The following PCSK5 variants were observed in gnomAD, a reference collection of about 807,000 sequenced individuals.
PCSK5 encodes proprotein convertase subtilisin/kexin type 5, also known as prohormone convertase 5.
PCSK5 carries 129 observed loss-of-function variants against 233.2 expected under a neutral mutation model. The observed-to-expected ratio is 0.55, with a 90% CI of 0.48 to 0.64. The LOEUF is 0.64. Ranked by LOEUF, PCSK5 falls within the 30% of genes least tolerant of loss-of-function variation. The pLI is 0.00. For missense variants in PCSK5, 2,076 were observed against 2,430.1 expected, an observed-to-expected ratio of 0.85 and a Z score of 3.06; for synonymous variants, 825 against 879.2, an observed-to-expected ratio of 0.94 and a Z score of 1.09.
chr9:76,350,898 C>T lies in PCSK5; in HGVS notation c.5037C>T (p.Asp1679=), dbSNP rs370584000. The change falls in exon 36 of 38, where the codon GAC becomes GAT. Residue 1679 remains aspartate (D), a synonymous_variant. Coordinates refer to ENST00000674117, the MANE Select transcript of PCSK5 (RefSeq NM_001372043.1). ...TCATGGGAGGGATCTGCACCTCGGACTGTCTTGTGGGGGAATACAGAGTGG... is the reference window on the plus strand; with the variant it reads ...TCATGGGAGGGATCTGCACCTCGGATTGTCTTGTGGGGGAATACAGAGTGG... ...YHLMGGICTS[D]CLVGEYRVGE... is the part of the protein sequence containing the mutation. 5 of 1,607,068 alleles carry T rather than the reference C, an allele frequency of 3.1e-6. 1 individual carries two copies. The South Asian group carries it at 5.5e-5, about 18-fold the overall frequency.
chr9:76,049,828 A>G (rs1341467305), intron 5 of PCSK5, among the ~76,000 whole-genome samples: 6 of 152,246 alleles, frequency 3.9e-5, no homozygotes, highest in East Asian at 1.9e-4. Context: ...CATTTATAAT[A>G]TCATCTTTCT....
At chr9:75,908,488 T>C (rs1277247703) in intron 1 of PCSK5, among the ~76,000 whole-genome samples, 1 of 152,144 alleles carries the variant, frequency 6.6e-6, no homozygotes, top group Non-Finnish European at 1.5e-5. Context: ...GCCTCCCCCT[T>C]TCCTCTGGTC....
intron 23 of PCSK5, among the ~76,000 whole-genome samples, chr9:76,239,836 C>G (rs1435250165): frequency 2.0e-5 from 3 of 152,008 alleles, no homozygotes; most frequent in Non-Finnish European, 4.4e-5. Context: ...TTTCTCCTTC[C>G]CAATTACTAG....
intron 5 of PCSK5, among the ~76,000 whole-genome samples, chr9:76,055,684 A>G (rs1339776478): frequency 6.6e-6 from 1 of 152,196 alleles, no homozygotes; most frequent in East Asian, 1.9e-4. Flanking sequence ...TAAAGGAGCC[A>G]TGAAATCTTG....
intron 1 of PCSK5, among the ~76,000 whole-genome samples, chr9:75,912,140 T>A (rs1019814565): frequency 1.3e-5 from 2 of 151,090 alleles, no homozygotes; most frequent in African/African-American, 4.9e-5. Flanking sequence ...GAACAGAGAC[T>A]GGAAATTTTT....
chr9:76,065,240 A>G lies in PCSK5; in HGVS notation c.633-2715A>G, dbSNP rs150809120. Among the ~76,000 whole-genome samples, 238 of 152,310 alleles carry G rather than the reference A, an allele frequency of 1.6e-3. 5 individuals are homozygous for G. In the East Asian group the frequency reaches 0.041, roughly 26 times the overall value. On this transcript the variant is annotated intron_variant, in intron 5 of 37. Transcript: ENST00000674117. ...CGCCATACTGTTTTCTGTAGTGGCT[A>G]TACTAATTTACATTCCCACCAGCAG...
At chr9:75,974,737 G>T (rs889996660) in intron 2 of PCSK5, among the ~76,000 whole-genome samples, 2 of 152,090 alleles carry the variant, frequency 1.3e-5, no homozygotes, top group East Asian at 1.9e-4. Flanking sequence ...TGTGTGTGGG[G>T]CCCACATTGC....
chr9:76,208,000 C>A (rs1003284956), intron 20 of PCSK5, among the ~76,000 whole-genome samples: 1 of 152,152 alleles, frequency 6.6e-6, no homozygotes, highest in African/African-American at 2.4e-5. Flanking sequence ...GAAGGCATGA[C>A]ATGGCAAGAA....
intron 3 of PCSK5, among the ~76,000 whole-genome samples, chr9:75,994,688 C>T (rs1826935798): frequency 6.6e-6 from 1 of 152,084 alleles, no homozygotes; most frequent in Non-Finnish European, 1.5e-5. Context: ...TCCCAAAGTG[C>T]TGGGATTACA....
At position 76,124,559 on chromosome 9, in the gene PCSK5, A is replaced by T. The variant is rs575326932; in HGVS notation, c.1209-9550A>T. ...CAGGAGATCACGATCGTCCCGGCCAACATGGTGAAACCCCATCTCTACTAA... is the reference window on the plus strand; with the variant it reads ...CAGGAGATCACGATCGTCCCGGCCATCATGGTGAAACCCCATCTCTACTAA... On this transcript the variant is annotated intron_variant, in intron 9 of 37. Coordinates refer to ENST00000674117, the MANE Select transcript of PCSK5 (RefSeq NM_001372043.1). Among the ~76,000 whole-genome samples the T allele has an allele frequency of 2.0e-5, 3 of 146,428 alleles. No individual in the cohort carries two copies. The East Asian group carries it at 6.1e-4, about 30-fold the overall frequency.
intron 12 of PCSK5, among the ~76,000 whole-genome samples, chr9:76,160,974 A>G (rs934313516): frequency 3.3e-5 from 5 of 152,098 alleles, no homozygotes; most frequent in African/African-American, 1.2e-4. Context: ...GGGTTTCACC[A>G]TGTTGGCCAG....
chr9:76,298,423 G>A (rs1169665691), intron 27 of PCSK5, among the ~76,000 whole-genome samples: 2 of 152,144 alleles, frequency 1.3e-5, no homozygotes, highest in South Asian at 4.1e-4. Flanking sequence ...AAGCAATCAA[G>A]TCAACGACAG....
At chr9:76,050,617 C>G (rs1180689326) in intron 5 of PCSK5, among the ~76,000 whole-genome samples, 2 of 152,162 alleles carry the variant, frequency 1.3e-5, no homozygotes, top group African/African-American at 4.8e-5. Flanking sequence ...CAATCCCAAA[C>G]CAGAACAACT....
At chr9:75,911,201 G>GT (rs71370772) in intron 1 of PCSK5, among the ~76,000 whole-genome samples, 4,006 of 48,722 alleles carry the variant, frequency 0.082, 812 homozygotes, top group Non-Finnish European at 0.11. Flanking sequence ...GAACATATAG[G>GT]TTTTTTTTTT....
At chr9:76,354,672 A>T (rs1830251829) in intron 37 of PCSK5, among the ~76,000 whole-genome samples, 1 of 152,020 alleles carries the variant, frequency 6.6e-6, no homozygotes, top group Non-Finnish European at 1.5e-5. Flanking sequence ...AGCTACCAGG[A>T]AGGCTGAGGT....
chr9:76,207,764 T>G (rs2131280276), intron 20 of PCSK5, among the ~76,000 whole-genome samples: 1 of 152,238 alleles, frequency 6.6e-6, no homozygotes, highest in Non-Finnish European at 1.5e-5. Context: ...GATAGGAGGC[T>G]GGAAAGGGAC....
chr9:76,288,784 C>T (rs1019499520), intron 24 of PCSK5, among the ~76,000 whole-genome samples: 5 of 152,166 alleles, frequency 3.3e-5, no homozygotes, highest in African/African-American at 1.2e-4. Context: ...AATTATGGGA[C>T]ACCGAGTTTA....
chr9:76,283,213 C>T (rs746307807), intron 24 of PCSK5, among the ~76,000 whole-genome samples: 8 of 152,156 alleles, frequency 5.3e-5, no homozygotes, highest in Non-Finnish European at 7.4e-5. Flanking sequence ...AGGATTGACT[C>T]GAATTTTCAA....
chr9:76,279,520 G>C (rs1426516303), intron 24 of PCSK5, among the ~76,000 whole-genome samples: 1 of 152,016 alleles, frequency 6.6e-6, no homozygotes, highest in African/African-American at 2.4e-5. Flanking sequence ...CTAGTTTACA[G>C]TCCCACCAAC....
Sources: allele counts gnomAD v4.1 joint callset (sites outside exome capture counted in the v4.1 genomes callset), GRCh38; gene constraint gnomAD v4.1.1; transcripts MANE v1.5; gene names NCBI Gene and HGNC (gene_info 2026-07-23, HGNC 2026-07-21).